GPC6: variants seen among roughly 807,000 people sequenced by gnomAD.
The protein encoded by GPC6 is glypican 6.
In GPC6, 14 loss-of-function variants were observed where a neutral mutation model predicts 55.2. That is an observed-to-expected ratio of 0.25 (90% CI 0.17 to 0.40). GPC6 has a LOEUF of 0.40. Ranked by LOEUF, GPC6 falls within the 10% of genes least tolerant of loss-of-function variation. The probability of loss-of-function intolerance (pLI) is 1.00; values close to 1 mark genes in which losing one functional copy is unlikely to be tolerated. For missense variants in GPC6, 641 were observed against 708.5 expected (o/e 0.90, Z 1.08); for synonymous variants, 278 against 259.6 (o/e 1.07, Z -0.68).
At chr13:93,744,567 T>C (rs1884327254) in intron 2 of GPC6, among the ~76,000 whole-genome samples, 1 of 134,716 alleles carries the variant, frequency 7.4e-6, no homozygotes. Flanking sequence ...AGTTGATCAA[T>C]TCCTCCACTT....
At chr13:93,276,763 G>C (rs753963785) in intron 1 of GPC6, among the ~76,000 whole-genome samples, 1 of 152,074 alleles carries the variant, frequency 6.6e-6, no homozygotes, top group Admixed American at 6.5e-5. Context: ...GGGGCCTGAG[G>C]CCTGGTGAAA....
chr13:94,192,786 C>T (rs1889440397), intron 4 of GPC6, among the ~76,000 whole-genome samples: 2 of 152,190 alleles, frequency 1.3e-5, no homozygotes, highest in Non-Finnish European at 2.9e-5. Context: ...GTTGTGCCCT[C>T]TGCTGGGGAC....
chr13:93,426,002 C>T (rs904533961), intron 1 of GPC6, among the ~76,000 whole-genome samples: 1 of 152,174 alleles, frequency 6.6e-6, no homozygotes. Context: ...CTCTTTGAAG[C>T]CTTTACCACC....
At chr13:93,238,591 G>A (rs1160571560) in intron 1 of GPC6, among the ~76,000 whole-genome samples, 2 of 152,000 alleles carry the variant, frequency 1.3e-5, no homozygotes, top group African/African-American at 4.8e-5. Context: ...AGTTGCTCTG[G>A]CTAGGACTTC....
chr13:94,251,143 CAT>C (rs1258877764), intron 4 of GPC6, among the ~76,000 whole-genome samples: 2 of 152,036 alleles, frequency 1.3e-5, no homozygotes, highest in African/African-American at 4.8e-5. Context: ...GGAATGAGGT[CAT>C]GTCCTTTGCA....
At chr13:93,781,031 A>G (rs576951721) in intron 2 of GPC6, among the ~76,000 whole-genome samples, 320 of 152,224 alleles carry the variant, frequency 2.1e-3, no homozygotes, top group Non-Finnish European at 3.3e-3. Context: ...TAATCCCAGC[A>G]CTTTGGGAGG....
chr13:93,218,687 C>T, the GPC6 span, among the ~76,000 whole-genome samples: 455 of 152,260 alleles, frequency 3.0e-3, 3 homozygotes, highest in African/African-American at 0.01. Context: ...AAAGAATATG[C>T]CACAGGTTTG....
chr13:93,880,018 C>A (rs989028183), intron 3 of GPC6, among the ~76,000 whole-genome samples: 1 of 150,542 alleles, frequency 6.6e-6, no homozygotes, highest in Admixed American at 6.6e-5. Context: ...CAATGAGATA[C>A]CATCTCACAG....
At chr13:93,677,277 T>G (rs753368122) in intron 2 of GPC6, among the ~76,000 whole-genome samples, 4 of 152,182 alleles carry the variant, frequency 2.6e-5, no homozygotes, top group Non-Finnish European at 5.9e-5. Context: ...TCTGTGATTT[T>G]AAATTGTGTA....
intron 3 of GPC6, among the ~76,000 whole-genome samples, chr13:93,954,328 T>G (rs1474826705): frequency 1.3e-5 from 2 of 150,968 alleles, no homozygotes; most frequent in Non-Finnish European, 2.9e-5. Flanking sequence ...TTATTTATTT[T>G]TATTTTTGAC....
chr13:94,044,389 C>T (rs540616510), intron 4 of GPC6, among the ~76,000 whole-genome samples: 2 of 151,784 alleles, frequency 1.3e-5, no homozygotes, highest in Non-Finnish European at 2.9e-5. Flanking sequence ...TCAAGGTCAT[C>T]GCCAAGGTCT....
chr13:93,277,635 G>A (rs1877801976), intron 1 of GPC6, among the ~76,000 whole-genome samples: 1 of 152,124 alleles, frequency 6.6e-6, no homozygotes, highest in African/African-American at 2.4e-5. Flanking sequence ...CTACTCTGTG[G>A]ACAAAGACAG....
intron 1 of GPC6, among the ~76,000 whole-genome samples, chr13:93,367,965 T>C (rs570638208): frequency 2.2e-4 from 33 of 152,244 alleles, no homozygotes; most frequent in African/African-American, 7.2e-4. Flanking sequence ...ATGTTATTGA[T>C]TTATTCTATA....
At chr13:93,408,249 G>A (rs1876368235) in intron 1 of GPC6, among the ~76,000 whole-genome samples, 1 of 152,136 alleles carries the variant, frequency 6.6e-6, no homozygotes, top group South Asian at 2.1e-4. Context: ...TTCAAACTAT[G>A]TTTAATCATT....
At chr13:93,865,267 GA>G (rs892984580) in intron 3 of GPC6, among the ~76,000 whole-genome samples, 1 of 151,500 alleles carries the variant, frequency 6.6e-6, no homozygotes, top group Non-Finnish European at 1.5e-5. Context: ...ACTCTCTGGG[GA>G]AAAAAATGGC....
Position 93,227,506 on chromosome 13 carries a change from T to C in GPC6, c.50T>C (p.Leu17Pro). 1 of 1,613,838 alleles carries C rather than the reference T, an allele frequency of 6.2e-7. No individual in the cohort carries two copies. Among genetic ancestry groups the C allele is most frequent in the Non-Finnish European group, 8.5e-7 (1 of 1,179,808 alleles). ...ATTCTTCCCCTCTTGGGGCTGCTGC[T>C]CTCCCTCCCCGCCGGGGCGGATGTG... ...AVILPLLGLL[L>P]SLPAGADVKA... The change falls in exon 1 of 9, where the codon CTC (leucine) becomes CCC (proline). Residue 17 changes from leucine to proline, a missense_variant. Coordinates refer to ENST00000377047, the MANE Select transcript of GPC6 (RefSeq NM_005708.5). The surrounding 1 kb of genome is among the most constrained non-coding windows in gnomAD (Gnocchi z 4.3).
chr13:93,332,105 C>T (rs1342765951), intron 1 of GPC6, among the ~76,000 whole-genome samples: 5 of 151,896 alleles, frequency 3.3e-5, no homozygotes, highest in South Asian at 2.1e-4. Flanking sequence ...TTCATTTATT[C>T]GTTAATGAAC....
chr13:94,144,404 A>AACACAC (rs59772537), intron 4 of GPC6, among the ~76,000 whole-genome samples: 2,333 of 143,370 alleles, frequency 0.016, 38 homozygotes, highest in South Asian at 0.071. Context: ...GTGCTTTTAA[A>AACACAC]ACACACACAC....
chr13:93,382,372 C>A (rs1267489528), intron 1 of GPC6, among the ~76,000 whole-genome samples: 1 of 152,154 alleles, frequency 6.6e-6, no homozygotes, highest in African/African-American at 2.4e-5. Context: ...AGGACCGCAT[C>A]ACTTTTAACT....
Sources: allele counts gnomAD v4.1 joint callset (sites outside exome capture counted in the v4.1 genomes callset), GRCh38; gene constraint gnomAD v4.1.1; non-coding constraint Gnocchi (gnomAD v3.1); transcripts MANE v1.5; gene names NCBI Gene and HGNC (gene_info 2026-07-23, HGNC 2026-07-21).